Variants in TMC2 observed in about 807,000 individuals in gnomAD.
The protein encoded by TMC2 is transmembrane channel-like protein 2.
In TMC2, 102 loss-of-function variants were observed where a neutral mutation model predicts 105.9. The observed-to-expected ratio is 0.96, with a 90% CI of 0.82 to 1.14. TMC2 has a LOEUF of 1.14. TMC2 is among the 50% of genes most tolerant of loss of function. The pLI is 0.00. For synonymous variants in TMC2, 402 were observed against 422.8 expected, an observed-to-expected ratio of 0.95 and a Z score of 0.60; for missense variants, 1,093 against 1,134.3, an observed-to-expected ratio of 0.96 and a Z score of 0.52.
chr20:2,553,880 CTTTTG>C (rs1480820958), intron 2 of TMC2, among the ~76,000 whole-genome samples: 1 of 151,918 alleles, frequency 6.6e-6, no homozygotes, highest in South Asian at 2.1e-4. Context: ...CTTTATTATC[CTTTTG>C]TTTTGTTTTG....
At chr20:2,605,490 G>C (rs879486086) in intron 11 of TMC2, among the ~76,000 whole-genome samples, 1 of 152,098 alleles carries the variant, frequency 6.6e-6, no homozygotes, top group Non-Finnish European at 1.5e-5. Context: ...GAGAGAGAGA[G>C]ATCTCTGGTA....
intron 18 of TMC2, among the ~76,000 whole-genome samples, chr20:2,636,490 A>ACACACACACG (rs1555778112): frequency 6.6e-6 from 1 of 151,076 alleles, no homozygotes; most frequent in Non-Finnish European, 1.5e-5. Context: ...ACACACACAC[A>ACACACACACG]CACGCACACA....
chr20:2,558,418 C>T lies in TMC2; in HGVS notation c.83-38C>T, dbSNP rs1172025283. ...GGGGACATTTTCCTGGGCCTGAGGC[C>T]GTTGGAACCAGAACTGTCCATTTTC... is the stretch of plus-strand genomic sequence containing the variant. On this transcript the variant is annotated intron_variant, in intron 2 of 19. Transcript: ENST00000358864. This position sits in a 1 kb window ranked among gnomAD's most constrained non-coding sequence, Gnocchi z 4.6. 3.2e-6 allele frequency: 5 copies of T among 1,549,280 alleles called. No individual in the cohort carries two copies. Among genetic ancestry groups the T allele is most frequent in the South Asian group, 1.2e-5 (1 of 83,924 alleles).
chr20:2,596,735 GTGTGTGTGTA>G (rs1040208573), intron 9 of TMC2, among the ~76,000 whole-genome samples: 2 of 151,500 alleles, frequency 1.3e-5, no homozygotes, highest in African/African-American at 2.4e-5. Flanking sequence ...GTGTGTGTGT[GTGTGTGTGTA>G]TGTGTGTGTG....
chr20:2,545,871 AAG>A (rs2085922365), intron 2 of TMC2, among the ~76,000 whole-genome samples: 2 of 146,766 alleles, frequency 1.4e-5, no homozygotes, highest in African/African-American at 5.0e-5. Flanking sequence ...AAGAAAAAGA[AAG>A]AAAGAAAAAG....
At chr20:2,570,311 T>C (rs1033091271) in intron 4 of TMC2, among the ~76,000 whole-genome samples, 5 of 151,974 alleles carry the variant, frequency 3.3e-5, no homozygotes, top group African/African-American at 1.2e-4. Context: ...AGATACAAAA[T>C]CAATGTACAA....
At chr20:2,614,835 G>A (rs2086468330) in intron 14 of TMC2, among the ~76,000 whole-genome samples, 2 of 151,246 alleles carry the variant, frequency 1.3e-5, no homozygotes, top group African/African-American at 2.4e-5. Flanking sequence ...AAAATGTGGG[G>A]GATTATATCC....
intron 10 of TMC2, among the ~76,000 whole-genome samples, chr20:2,598,575 C>A (rs1271202450): frequency 6.6e-6 from 1 of 151,852 alleles, no homozygotes; most frequent in Non-Finnish European, 1.5e-5. Flanking sequence ...TCACCATGCC[C>A]GGCTAATTTT....
intron 11 of TMC2, among the ~76,000 whole-genome samples, chr20:2,609,395 C>T (rs555325580): frequency 6.6e-6 from 1 of 152,270 alleles, no homozygotes; most frequent in Admixed American, 6.5e-5. Flanking sequence ...AACGTCCCTT[C>T]CACAAAGCCT....
chr20:2,614,411 G>C (rs1376350261), intron 14 of TMC2, among the ~76,000 whole-genome samples: 1 of 152,032 alleles, frequency 6.6e-6, no homozygotes, highest in Non-Finnish European at 1.5e-5. Context: ...TTCAAGATCA[G>C]CCTGGGCAAT....
At chr20:2,637,741 GGTCA>G in intron 19 of TMC2, 150 bp downstream of exon 19, 1 of 609,180 alleles carries the variant, frequency 1.6e-6, no homozygotes. Flanking sequence ...TGAATATAGG[GGTCA>G]ATCATAGCAC....
intron 11 of TMC2, among the ~76,000 whole-genome samples, chr20:2,607,766 GT>G (rs1023864891): frequency 6.6e-6 from 1 of 152,154 alleles, no homozygotes; most frequent in Non-Finnish European, 1.5e-5. Context: ...TTGTCTATGT[GT>G]TTTTTTATTT....
intron 13 of TMC2, 140 bp downstream of exon 13, chr20:2,612,480 A>C: frequency 1.2e-6 from 1 of 832,608 alleles, no homozygotes; most frequent in South Asian, 4.3e-5. Context: ...ATCTAGGAGG[A>C]AATAAAATGA....
rs115047506 is a variant in TMC2 at position 2,585,528 on chromosome 20, A to G, written c.834+5472A>G. Among the ~76,000 whole-genome samples, 1,049 of 152,306 alleles carry G rather than the reference A, an allele frequency of 6.9e-3. 16 individuals are homozygous for G. The highest frequency in any genetic ancestry group is 0.024 in the African/African-American group (1,006 of 41,538). On this transcript the variant is annotated intron_variant, in intron 7 of 19. Coordinates refer to ENST00000358864, the MANE Select transcript of TMC2 (RefSeq NM_080751.3). ...TCTGGCTTGGGGTCTCCCACAGCCT[A>G]CGGTCTAGGTTTTGACCAAGGCTAC...
rs139477671 is a variant in TMC2, at chr20:2,616,401, T to C, written c.1940+197T>C. ...TTTCTGGCCCACCCATGTGCTACCA[T>C]AGAAGTAGAGAGAAAGGGAGAGGGG... On this transcript the variant is annotated intron_variant, in intron 15 of 19. Transcript: ENST00000358864. This position sits in a 1 kb window ranked among gnomAD's most constrained non-coding sequence, Gnocchi z 4.8. 2.3e-4 allele frequency among the ~76,000 whole-genome samples: 35 copies of C among 149,488 alleles called. No individual in the cohort carries two copies. The highest frequency in any genetic ancestry group is 7.9e-4 in the African/African-American group (32 of 40,328).
chr20:2,571,592 C>T (rs531244050), intron 4 of TMC2, among the ~76,000 whole-genome samples: 2 of 152,270 alleles, frequency 1.3e-5, no homozygotes, highest in South Asian at 2.1e-4. Flanking sequence ...GTTCAACCAT[C>T]GTGGAAAGCA....
chr20:2,550,790 T>A (rs989713197), intron 2 of TMC2, among the ~76,000 whole-genome samples: 1 of 152,244 alleles, frequency 6.6e-6, no homozygotes, highest in Non-Finnish European at 1.5e-5. Flanking sequence ...GCATTTAAGT[T>A]TCCCTCATGT....
At chr20:2,591,014 G>T (rs1488111639) in intron 7 of TMC2, among the ~76,000 whole-genome samples, 1 of 151,792 alleles carries the variant, frequency 6.6e-6, no homozygotes, top group East Asian at 1.9e-4. Context: ...ATATATTCTT[G>T]GAAGGAAAAA....
rs531330628 is a variant in TMC2, at chr20:2,643,526, A to G, written c.*2175A>G. Among the ~76,000 whole-genome samples, 1 of 152,256 alleles carries G rather than the reference A, an allele frequency of 6.6e-6. No individual in the cohort carries two copies. The highest frequency in any genetic ancestry group is 1.5e-5 in the Non-Finnish European group (1 of 68,050). ...TATATGTCATCTAATGCTGCATAAC[A>G]AATTATTCCCAAAACATAACAGCCT... On this transcript the variant is annotated 3_prime_UTR_variant, in exon 20 of 20. Transcript: ENST00000358864.
Sources: gnomAD v4.1 joint callset for allele counts (sites outside exome capture counted in the v4.1 genomes callset) on GRCh38, gnomAD v4.1.1 for gene constraint, Gnocchi (gnomAD v3.1) non-coding constraint, MANE v1.5 for transcripts, NCBI Gene and HGNC (gene_info 2026-07-23, HGNC 2026-07-21) for gene names.